ADGRL3: variants seen among roughly 807,000 people sequenced by gnomAD.
ADGRL3 encodes adhesion G protein-coupled receptor L3.
Under a neutral mutation model 153.5 loss-of-function variants are expected in ADGRL3, and 62 were observed. That is an observed-to-expected ratio of 0.40 (90% CI 0.33 to 0.50). The LOEUF (loss-of-function observed/expected upper bound fraction) is 0.50, where lower values mean the gene tolerates loss of function less well. ADGRL3 is among the 20% of genes least tolerant of loss of function. The pLI, the probability that ADGRL3 is intolerant of heterozygous loss-of-function variation, is 0.47. For missense variants in ADGRL3, 1,641 were observed against 1,859.4 expected (o/e 0.88, Z 2.16); for synonymous variants, 710 against 672.5 (o/e 1.06, Z -0.86).
chr4:61,225,216 G>A (rs912591839), intron 1 of ADGRL3, among the ~76,000 whole-genome samples: 1 of 152,288 alleles, frequency 6.6e-6, no homozygotes, highest in South Asian at 2.1e-4. Context: ...CAATCCAGTG[G>A]TCCCAGGGAC....
chr4:61,395,978 C>T (rs1259218928), intron 2 of ADGRL3, among the ~76,000 whole-genome samples: 1 of 151,806 alleles, frequency 6.6e-6, no homozygotes, highest in Non-Finnish European at 1.5e-5. Context: ...AATGGAGTCT[C>T]CACCAAACTA....
chr4:61,544,247 G>A (rs1266832127), intron 4 of ADGRL3, among the ~76,000 whole-genome samples: 2 of 152,046 alleles, frequency 1.3e-5, no homozygotes, highest in Non-Finnish European at 2.9e-5. Context: ...ATGGTGTTCA[G>A]TTTTCTGATA....
At chr4:61,808,672 T>C (rs1248301829) in intron 8 of ADGRL3, among the ~76,000 whole-genome samples, 1 of 152,140 alleles carries the variant, frequency 6.6e-6, no homozygotes, top group East Asian at 1.9e-4. Context: ...CAAGCTGTTA[T>C]AATGCTAGGC....
In ADGRL3 at chr4:61,653,168, TCTCACACA is replaced by T. The variant is rs1271663067; in HGVS notation, c.474-23656_474-23649del. Reference sequence around the variant, plus strand: ...CTCTCTCTGTCTCTCTCTCTCTCTCTCTCACACACACACACACACACACACACACACAC... The same window carrying T: ...CTCTCTCTGTCTCTCTCTCTCTCTCTCACACACACACACACACACACACAC... On this transcript the variant is annotated intron_variant, in intron 5 of 26. Coordinates refer to ENST00000683033, the MANE Select transcript of ADGRL3 (RefSeq NM_001387552.1). 9.1e-3 allele frequency among the ~76,000 whole-genome samples: 504 copies of T among 55,300 alleles called. 2 individuals are homozygous for T. Among genetic ancestry groups the T allele is most frequent in the African/African-American group, 0.017 (314 of 18,884 alleles). The allele number at this position is 55,300 out of a possible 152,430, so 36.3% of individuals were successfully genotyped here.
At chr4:61,704,519 T>C (rs1360827079) in intron 6 of ADGRL3, among the ~76,000 whole-genome samples, 1 of 152,172 alleles carries the variant, frequency 6.6e-6, no homozygotes, top group Non-Finnish European at 1.5e-5. Context: ...TGGTGGAAGC[T>C]CTCGCCTTGA....
intron 5 of ADGRL3, among the ~76,000 whole-genome samples, chr4:61,626,193 A>G (rs949195160): frequency 6.6e-6 from 1 of 152,060 alleles, no homozygotes; most frequent in African/African-American, 2.4e-5. Context: ...ATTCCTGTAT[A>G]GTGATTAAAT....
intron 19 of ADGRL3, among the ~76,000 whole-genome samples, chr4:61,986,585 C>T (rs1179401549): frequency 6.6e-6 from 1 of 152,092 alleles, no homozygotes; most frequent in African/African-American, 2.4e-5. Context: ...TTCCCAGACA[C>T]TGATTTAAAA....
intron 9 of ADGRL3, among the ~76,000 whole-genome samples, chr4:61,869,775 C>T (rs1451116992): frequency 6.7e-6 from 1 of 150,130 alleles, no homozygotes; most frequent in African/African-American, 2.4e-5. Flanking sequence ...CCCGTCTCTA[C>T]TAAAAATACA....
At chr4:61,280,563 T>G (rs1029245472) in intron 1 of ADGRL3, among the ~76,000 whole-genome samples, 2 of 152,182 alleles carry the variant, frequency 1.3e-5, no homozygotes, top group East Asian at 3.9e-4. Context: ...TAATGTTAAA[T>G]TAAAATTTCC....
At chr4:61,537,962 T>G (rs1434037621) in intron 4 of ADGRL3, among the ~76,000 whole-genome samples, 1 of 152,160 alleles carries the variant, frequency 6.6e-6, no homozygotes, top group Non-Finnish European at 1.5e-5. Flanking sequence ...TCTTCATCTG[T>G]CATTTCAGAA....
chr4:61,987,334 C>T (rs576497176), intron 19 of ADGRL3, among the ~76,000 whole-genome samples: 4 of 151,686 alleles, frequency 2.6e-5, no homozygotes, highest in Middle Eastern at 3.4e-3. Flanking sequence ...CCACCACGCC[C>T]GTCTAATTTT....
At chr4:61,515,991 T>G (rs2098491568) in intron 3 of ADGRL3, among the ~76,000 whole-genome samples, 1 of 152,140 alleles carries the variant, frequency 6.6e-6, no homozygotes, top group South Asian at 2.1e-4. Flanking sequence ...AAAATGGCAT[T>G]CAGATTACCT....
chr4:61,672,542 A>G (rs2095043517), intron 5 of ADGRL3, among the ~76,000 whole-genome samples: 1 of 152,110 alleles, frequency 6.6e-6, no homozygotes, highest in Non-Finnish European at 1.5e-5. Flanking sequence ...TTCTTGAAAG[A>G]AGACAAATGG....
intron 4 of ADGRL3, among the ~76,000 whole-genome samples, chr4:61,541,346 A>ATTTTTTTTTTTTTTTTTTTTTTTTTTTT (rs3075146): frequency 9.7e-6 from 1 of 103,338 alleles, no homozygotes; most frequent in Non-Finnish European, 1.8e-5. Flanking sequence ...TCTGGTAGAG[A>ATTTTTTTTTTTTTTTTTTTTTTTTTTTT]TTTTTTTTTT....
At chr4:61,347,036 T>C (rs1243516973) in intron 1 of ADGRL3, among the ~76,000 whole-genome samples, 1 of 152,124 alleles carries the variant, frequency 6.6e-6, no homozygotes, top group Non-Finnish European at 1.5e-5. Context: ...CCCTAGTCTG[T>C]GCTCTCACTA....
intron 2 of ADGRL3, among the ~76,000 whole-genome samples, chr4:61,422,621 T>C (rs1020486318): frequency 6.6e-6 from 1 of 152,096 alleles, no homozygotes; most frequent in Non-Finnish European, 1.5e-5. Context: ...AAATAAGCAT[T>C]TGAGACTAAT....
At chr4:61,716,825 A>C (rs2096125420) in intron 6 of ADGRL3, among the ~76,000 whole-genome samples, 1 of 152,182 alleles carries the variant, frequency 6.6e-6, no homozygotes, top group South Asian at 2.1e-4. Flanking sequence ...AAGAACAAAA[A>C]GCCCATTGTC....
chr4:61,370,094 A>G (rs2096490594), intron 1 of ADGRL3, among the ~76,000 whole-genome samples: 1 of 151,906 alleles, frequency 6.6e-6, no homozygotes, highest in Non-Finnish European at 1.5e-5. Context: ...ATCATTTTCT[A>G]TTGCGTCTAT....
chr4:61,481,056 T>G (rs1560706297), intron 2 of ADGRL3, among the ~76,000 whole-genome samples: 1 of 152,146 alleles, frequency 6.6e-6, no homozygotes, highest in African/African-American at 2.4e-5. Flanking sequence ...CCCCTAGTAA[T>G]ATATTGGCCG....
Sources: gnomAD v4.1 joint callset for allele counts (sites outside exome capture counted in the v4.1 genomes callset) on GRCh38, gnomAD v4.1.1 for gene constraint, MANE v1.5 for transcripts, NCBI Gene and HGNC (gene_info 2026-07-23, HGNC 2026-07-21) for gene names.